TRAM2: variants seen among roughly 807,000 people sequenced by gnomAD.
TRAM2 encodes translocation associated membrane protein 2, also known as translocating chain-associated membrane protein 2.
TRAM2 carries 12 observed loss-of-function variants against 51.0 expected under a neutral mutation model. The ratio of observed to expected loss-of-function variants is 0.24; its 90% CI spans 0.15 to 0.38. The LOEUF is 0.38. Ranked by LOEUF, TRAM2 falls within the 10% of genes least tolerant of loss-of-function variation. The pLI, the probability that TRAM2 is intolerant of heterozygous loss-of-function variation, is 1.00. For missense variants in TRAM2, 361 were observed against 462.0 expected (o/e 0.78, Z 2.00); for synonymous variants, 175 against 179.4 (o/e 0.98, Z 0.20).
At chr6:52,551,595 T>C (rs1767310539) in intron 1 of TRAM2, among the ~76,000 whole-genome samples, 1 of 152,192 alleles carries the variant, frequency 6.6e-6, no homozygotes, top group South Asian at 2.1e-4. Flanking sequence ...TGGGGGCAGG[T>C]TGTCTGCCAA....
intron 4 of TRAM2, among the ~76,000 whole-genome samples, chr6:52,510,218 C>T (rs557723694): frequency 2.0e-5 from 3 of 152,242 alleles, no homozygotes; most frequent in Non-Finnish European, 4.4e-5. Flanking sequence ...AGTCCCTTCA[C>T]ACTAGGGCCT....
chr6:52,536,103 G>C (rs1271896302), intron 1 of TRAM2, among the ~76,000 whole-genome samples: 1 of 152,218 alleles, frequency 6.6e-6, no homozygotes, highest in Non-Finnish European at 1.5e-5. Flanking sequence ...GTGCATGGCA[G>C]GACAGGAGCT....
At chr6:52,571,974 CA>C (rs1272356093) in intron 1 of TRAM2, among the ~76,000 whole-genome samples, 2 of 152,206 alleles carry the variant, frequency 1.3e-5, no homozygotes, top group Admixed American at 6.5e-5. Flanking sequence ...ATTAACCAAT[CA>C]ATGTCACTCT....
chr6:52,519,465 A>C (rs1331851511), intron 2 of TRAM2, among the ~76,000 whole-genome samples: 2 of 152,236 alleles, frequency 1.3e-5, no homozygotes, highest in African/African-American at 2.4e-5. Flanking sequence ...AATGAGGAAA[A>C]AACAAACAAG....
rs1562471309 is a variant in TRAM2 at position 52,499,194 on chromosome 6, TAATCCTCCAATAATCCTGA to T, written c.*3984_*4002del. On this transcript the variant is annotated 3_prime_UTR_variant, in exon 11 of 11. Transcript: ENST00000182527. ...GTTTTCCAGTCATCTGACAATGACC[TAATCCTCCAATAATCCTGA>T]AAATCCTCTCCTGAGAAAAGGAACC... 1 of 152,130 alleles carries T rather than the reference TAATCCTCCAATAATCCTGA, an allele frequency of 6.6e-6. No individual in the cohort carries two copies. The highest frequency in any genetic ancestry group is 1.5e-5 in the Non-Finnish European group (1 of 68,026). 9.4% of individuals were successfully genotyped at this position (152,130 alleles called of 1,614,324 possible). A position where few individuals can be genotyped will look rare whatever the true frequency, so the allele number is the denominator to read the frequency against.
intron 8 of TRAM2, 35 bp downstream of exon 8, chr6:52,505,997 C>T: frequency 1.9e-6 from 3 of 1,609,914 alleles, no homozygotes; most frequent in Non-Finnish European, 2.5e-6. Flanking sequence ...CTGCCCAGGC[C>T]TCTAAGCGGG....
chr6:52,545,368 CA>C (rs1767180584), intron 1 of TRAM2, among the ~76,000 whole-genome samples: 1 of 152,190 alleles, frequency 6.6e-6, no homozygotes, highest in Admixed American at 6.5e-5. Context: ...AAGTCTCTTT[CA>C]GGGGGCTACA....
chr6:52,559,418 G>A (rs1441503655), intron 1 of TRAM2, among the ~76,000 whole-genome samples: 2 of 152,114 alleles, frequency 1.3e-5, no homozygotes, highest in South Asian at 2.1e-4. Flanking sequence ...TCAGACACAC[G>A]GACCTTGAAT....
intron 7 of TRAM2, among the ~76,000 whole-genome samples, chr6:52,507,344 T>C (rs1015463783): frequency 2.0e-5 from 3 of 152,254 alleles, no homozygotes; most frequent in Non-Finnish European, 4.4e-5. Context: ...TCAACTGTCC[T>C]TACTTATGTC....
At chr6:52,531,675 G>A (rs1268814385) in intron 2 of TRAM2, among the ~76,000 whole-genome samples, 4 of 152,270 alleles carry the variant, frequency 2.6e-5, no homozygotes, top group South Asian at 2.1e-4. Flanking sequence ...CCATGTGCCC[G>A]GAGTGCTTTC....
intron 1 of TRAM2, among the ~76,000 whole-genome samples, chr6:52,546,766 G>A (rs1249775275): frequency 6.6e-6 from 1 of 152,064 alleles, no homozygotes; most frequent in Non-Finnish European, 1.5e-5. Context: ...CCCAGAAGGA[G>A]CCCAGCAGCC....
chr6:52,499,528 TG>T lies in TRAM2; in HGVS notation c.*3668del, dbSNP rs1401932095. The T allele has an allele frequency of 2.6e-5, 4 of 152,174 alleles. No homozygotes were observed. The highest frequency in any genetic ancestry group is 4.2e-4 in the South Asian group (2 of 4,816). The allele number at this position is 152,174 out of a possible 1,614,324, so 9.4% of individuals were successfully genotyped here. On this transcript the variant is annotated 3_prime_UTR_variant, in exon 11 of 11. Transcript: ENST00000182527. ...AACCCACTTCCAATTAAAGCATCCA[TG>T]GAAGATAAGAATTTTGTTGTGGAAT...
Position 52,568,201 on chromosome 6 carries a change from T to C in TRAM2, c.120+8595A>G, listed in dbSNP as rs563890551. Among the ~76,000 whole-genome samples, 8 of 152,290 alleles carry C rather than the reference T, an allele frequency of 5.3e-5. No homozygotes were observed. The South Asian group carries it at 1.7e-3, about 32-fold the overall frequency. On this transcript the variant is annotated intron_variant, in intron 1 of 10. Transcript: ENST00000182527. ...GCAGGCCCTCCATTGGCACCAGCCA[T>C]AATTCATTCCTCAAGAACCCTGAAA...
chr6:52,515,947 A>C, intron 4 of TRAM2, 59 bp downstream of exon 4: 1 of 1,429,022 alleles, frequency 7.0e-7, no homozygotes, highest in Non-Finnish European at 9.8e-7. Context: ...GCAATCCCAG[A>C]GCTGGAATTG....
intron 7 of TRAM2, 106 bp downstream of exon 7, chr6:52,507,447 G>A: frequency 8.8e-7 from 1 of 1,132,216 alleles, no homozygotes; most frequent in South Asian, 1.4e-5. Flanking sequence ...ATAGTGCTAG[G>A]CACACAGAGG....
chr6:52,539,359 G>A (rs1264053357), intron 1 of TRAM2, among the ~76,000 whole-genome samples: 1 of 152,190 alleles, frequency 6.6e-6, no homozygotes, highest in Non-Finnish European at 1.5e-5. Flanking sequence ...ACATCTCTGT[G>A]AATGACCAAA....
At position 52,507,555 on chromosome 6, in the gene TRAM2, T is replaced by C. The variant is rs922385439; in HGVS notation, c.624A>G (p.Leu208=). 6 of 1,613,986 alleles carry C rather than the reference T, an allele frequency of 3.7e-6. No individual in the cohort carries two copies. Among genetic ancestry groups the C allele is most frequent in the Non-Finnish European group, 5.1e-6 (6 of 1,180,004 alleles). ...YLVHIAGAYL[L]NLSRLGLILL... ...GCTGGCTCCATGGTCTCACTCACTT[T>C]AAGAGGTATGCTCCAGCTATATGCA... The change falls in exon 7 of 11, where the codon TTA becomes TTG. Residue 208 remains leucine (L), a splice_region_variant and synonymous_variant. Coordinates refer to ENST00000182527, the MANE Select transcript of TRAM2 (RefSeq NM_012288.4).
chr6:52,522,946 G>A, intron 2 of TRAM2: 1 of 702,262 alleles, frequency 1.4e-6, no homozygotes, highest in South Asian at 1.5e-5. Context: ...GGATCCCACT[G>A]TGCGGTCTCT....
intron 1 of TRAM2, among the ~76,000 whole-genome samples, chr6:52,557,228 A>C (rs1416839744): frequency 2.6e-5 from 4 of 152,134 alleles, no homozygotes; most frequent in African/African-American, 9.7e-5. Flanking sequence ...GAACGGATGC[A>C]CCAGGATGTA....
Sources: gnomAD v4.1 joint callset for allele counts (sites outside exome capture counted in the v4.1 genomes callset) on GRCh38, gnomAD v4.1.1 for gene constraint, MANE v1.5 for transcripts, NCBI Gene and HGNC (gene_info 2026-07-23, HGNC 2026-07-21) for gene names.